The following MAST3 variants were observed in gnomAD, a reference collection of about 807,000 sequenced individuals.
MAST3 encodes the protein microtubule associated serine/threonine kinase 3, also known as microtubule-associated serine/threonine-protein kinase 3.
Under a neutral mutation model 127.0 loss-of-function variants are expected in MAST3, and 43 were observed. The ratio of observed to expected loss-of-function variants is 0.34; its 90% CI spans 0.27 to 0.44. MAST3 has a LOEUF of 0.44. MAST3 is among the 20% of genes least tolerant of loss of function. The probability of loss-of-function intolerance (pLI) is 1.00; values close to 1 mark genes in which losing one functional copy is unlikely to be tolerated. For synonymous variants in MAST3, 785 were observed against 809.2 expected, an observed-to-expected ratio of 0.97 and a Z score of 0.51; for missense variants, 1,390 against 1,919.1, an observed-to-expected ratio of 0.72 and a Z score of 5.15.
intron 18 of MAST3, among the ~76,000 whole-genome samples, chr19:18,136,994 G>A (rs1379214118): frequency 6.6e-6 from 1 of 151,990 alleles, no homozygotes; most frequent in African/African-American, 2.4e-5. Flanking sequence ...GCTAATTTTT[G>A]TGTTTTTAGA....
chr19:18,100,380 C>G (rs2037492547), intron 1 of MAST3, among the ~76,000 whole-genome samples: 1 of 151,926 alleles, frequency 6.6e-6, no homozygotes, highest in African/African-American at 2.4e-5. Flanking sequence ...CCCACCTCGG[C>G]CTCCCAAAGT....
At position 18,149,777 on chromosome 19, in the gene MAST3, A is replaced by G. The variant is rs952492251; in HGVS notation, c.*51A>G. 168 of 1,601,562 alleles carry G rather than the reference A, an allele frequency of 1.0e-4. No homozygotes were observed. In the Admixed American group the frequency reaches 2.5e-3, roughly 24 times the overall value. ...TCAAAGTTACGCGTTTTCTTGTGCA[A>G]TGTTTTTTCCGTAAAGTCATGCCTG... On this transcript the variant is annotated 3_prime_UTR_variant, in exon 28 of 28. Transcript: ENST00000687212. The surrounding 1 kb of genome is among the most constrained non-coding windows in gnomAD (Gnocchi z 5.9).
Position 18,110,101 on chromosome 19 carries a change from G to T in MAST3, c.72-551G>T. 3.0e-6 allele frequency: 3 copies of T among 985,326 alleles called. No homozygotes were observed. The highest frequency in any genetic ancestry group is 3.6e-6 in the Non-Finnish European group (3 of 829,904). 61.0% of individuals were successfully genotyped at this position (985,326 alleles called of 1,614,324 possible). A position where few individuals can be genotyped will look rare whatever the true frequency, so the allele number is the denominator to read the frequency against. ...CTGCGCGACCCTCGCTGCCGGGCCG[G>T]GCCTGCGCGCAGGTGCGGAGCTGCG... On this transcript the variant is annotated intron_variant, in intron 2 of 27. Coordinates refer to ENST00000687212, the MANE Select transcript of MAST3 (RefSeq NM_001393504.1). The surrounding 1 kb of genome is among the most constrained non-coding windows in gnomAD (Gnocchi z 4.3).
chr19:18,122,501 AAG>A (rs1375006467), intron 5 of MAST3, among the ~76,000 whole-genome samples, 170 bp from the exon 6 acceptor site: 1 of 152,154 alleles, frequency 6.6e-6, no homozygotes, highest in East Asian at 1.9e-4. Context: ...GAGGTACCTA[AAG>A]AGAGAGAGCA....
rs150712345 is a variant in MAST3 at position 18,121,538 on chromosome 19, G to T, written c.162-147G>T. On this transcript the variant is annotated intron_variant, in intron 3 of 27. Coordinates refer to ENST00000687212, the MANE Select transcript of MAST3 (RefSeq NM_001393504.1). ...TGAAGACCTGGCTAAGGGCCATGGG[G>T]GAACCCAGCTGGGGGCAGAGTGGGA... 3.9e-3 allele frequency: 2,662 copies of T among 690,404 alleles called. 80 individuals are homozygous for T. In the Admixed American group the frequency reaches 0.052, roughly 13 times the overall value. 42.8% of individuals were successfully genotyped at this position (690,404 alleles called of 1,614,324 possible). A position where few individuals can be genotyped will look rare whatever the true frequency, so the allele number is the denominator to read the frequency against.
intron 18 of MAST3, among the ~76,000 whole-genome samples, chr19:18,136,305 G>A (rs2041887042): frequency 6.6e-6 from 1 of 152,226 alleles, no homozygotes; most frequent in Non-Finnish European, 1.5e-5. Flanking sequence ...GAGCAGAAGT[G>A]GGAGAAGCCC....
At chr19:18,101,105 C>T (rs998837451) in intron 1 of MAST3, among the ~76,000 whole-genome samples, 1 of 152,196 alleles carries the variant, frequency 6.6e-6, no homozygotes, top group Non-Finnish European at 1.5e-5. Flanking sequence ...GTAACGTGAG[C>T]TGTTATTACT....
chr19:18,142,609 C>T (rs1483508857), intron 21 of MAST3, among the ~76,000 whole-genome samples: 1 of 151,508 alleles, frequency 6.6e-6, no homozygotes, highest in Non-Finnish European at 1.5e-5. Flanking sequence ...CTCAACCTCC[C>T]AAAGTGCTAG....
In MAST3 at chr19:18,144,886, A is replaced by G. The variant is rs906519824; in HGVS notation, c.2813-117A>G. 3 of 862,054 alleles carry G rather than the reference A, an allele frequency of 3.5e-6. No individual in the cohort carries two copies. The African/African-American group carries it at 5.0e-5, about 14-fold the overall frequency. 53.4% of individuals were successfully genotyped at this position (862,054 alleles called of 1,614,324 possible). The stretch of plus-strand genomic sequence containing the variant: ...CGTGCAAAGGCCTGGTGGGGTGACC[A>G]TGCTTGGGACATTGAAGCAACAGCA... On this transcript the variant is annotated intron_variant, in intron 23 of 27. Coordinates refer to ENST00000687212, the MANE Select transcript of MAST3 (RefSeq NM_001393504.1). This position sits in a 1 kb window ranked among gnomAD's most constrained non-coding sequence, Gnocchi z 4.0.
At chr19:18,132,077 G>A in intron 15 of MAST3, 30 bp downstream of exon 15, 2 of 1,612,236 alleles carry the variant, frequency 1.2e-6, no homozygotes, top group Non-Finnish European at 1.7e-6. Context: ...GCGGGGCCTC[G>A]CGGAGGGCGG....
chr19:18,149,485 G>A lies in MAST3; in HGVS notation c.3803G>A (p.Gly1268Glu). 1 of 1,545,066 alleles carries A rather than the reference G, an allele frequency of 6.5e-7. No individual in the cohort carries two copies. The highest frequency in any genetic ancestry group is 1.4e-5 in the African/African-American group (1 of 73,064). Residue 1268 changes from glycine to glutamate, a missense_variant, in exon 28 of 28, where the codon GGG becomes GAG. Gly to Glu is a moderately conservative substitution (Grantham distance 98, BLOSUM62 -2). Around this residue, in one of 5 missense-constraint regions of MAST3, gnomAD observed 816 missense variants for 934.1 expected, o/e 0.87. Transcript: ENST00000687212. This position sits in a 1 kb window ranked among gnomAD's most constrained non-coding sequence, Gnocchi z 5.9. ...CAGTCAGCTGACAAGCTGGGCACAGGGGAGCGGCTGGATGGGGAGGCGGGG... is the reference window on the plus strand; with the variant it reads ...CAGTCAGCTGACAAGCTGGGCACAGAGGAGCGGCTGGATGGGGAGGCGGGG... ...RGQSADKLGT[G>E]ERLDGEAGRR...
intron 7 of MAST3, 95 bp from the exon 8 acceptor site, chr19:18,123,485 G>T: frequency 6.8e-7 from 1 of 1,475,620 alleles, no homozygotes. Flanking sequence ...CCTAGCCTCT[G>T]ATTCTTGTCC....
chr19:18,124,933 C>CT (rs1031616873), intron 11 of MAST3, among the ~76,000 whole-genome samples, 159 bp downstream of exon 11: 1 of 135,860 alleles, frequency 7.4e-6, no homozygotes, highest in African/African-American at 2.8e-5. Context: ...TGGTGGAAAC[C>CT]CCCCCCCTAC....
rs926649101 is a variant in MAST3 at position 18,110,631 on chromosome 19, C to T, written c.72-21C>T. 2.0e-6 allele frequency: 2 copies of T among 979,328 alleles called. No individual in the cohort carries two copies. The highest frequency in any genetic ancestry group is 4.7e-5 in the South Asian group (1 of 21,164). The allele number at this position is 979,328 out of a possible 1,614,324, so 60.7% of individuals were successfully genotyped here. On this transcript the variant is annotated intron_variant, in intron 2 of 27. Coordinates refer to ENST00000687212, the MANE Select transcript of MAST3 (RefSeq NM_001393504.1). The surrounding 1 kb of genome is among the most constrained non-coding windows in gnomAD (Gnocchi z 4.3). Reference sequence around the variant, plus strand: ...AAGGGGCGGCCGCCAGGTTCACCGTCCCCGGCCTCTTTCTTTGCAGTCTGT... The same window carrying T: ...AAGGGGCGGCCGCCAGGTTCACCGTTCCCGGCCTCTTTCTTTGCAGTCTGT...
At chr19:18,134,472 T>C in intron 15 of MAST3, 107 bp from the exon 16 acceptor site, 2 of 1,418,530 alleles carry the variant, frequency 1.4e-6, no homozygotes, top group East Asian at 5.0e-5. Context: ...GCCCAGGAGT[T>C]GGAGGCAGAG....
intron 3 of MAST3, among the ~76,000 whole-genome samples, chr19:18,115,239 C>T (rs542133856): frequency 1.3e-5 from 2 of 152,134 alleles, no homozygotes; most frequent in African/African-American, 4.8e-5. Context: ...GGCAGCAGGC[C>T]CTCTGGATTG....
Position 18,123,993 on chromosome 19 carries a change from G to T in MAST3, c.688G>T (p.Gly230Cys). 1 of 1,592,634 alleles carries T rather than the reference G, an allele frequency of 6.3e-7. No individual in the cohort carries two copies. The highest frequency in any genetic ancestry group is 8.5e-7 in the Non-Finnish European group (1 of 1,171,046). ...LQEFLTAYAP[G>C]ARLALADGVL... ...GGAGTTCCTGACGGCCTACGCGCCC[G>T]GCGCCCGGCTGGCGCTGGCTGATGG... is the stretch of plus-strand genomic sequence containing the variant. Residue 230 changes from glycine to cysteine, a missense_variant, in exon 9 of 28, where the codon GGC becomes TGC. Gly to Cys is a radical substitution (Grantham distance 159). This residue lies in a region of MAST3 where 277 missense variants were observed against 384.8 expected (regional missense o/e 0.72). Coordinates refer to ENST00000687212, the MANE Select transcript of MAST3 (RefSeq NM_001393504.1).
rs571037026 is a variant in MAST3 at position 18,139,006 on chromosome 19, C to T, written c.2096-9C>T. On this transcript the variant is annotated splice_polypyrimidine_tract_variant and intron_variant, in intron 19 of 27. Coordinates refer to ENST00000687212, the MANE Select transcript of MAST3 (RefSeq NM_001393504.1). ...TCAGGCGTGCTGCATGTGCCTCTCCCTCCCACAGCACGTTCGGAACGTTAC... is the reference window on the plus strand; with the variant it reads ...TCAGGCGTGCTGCATGTGCCTCTCCTTCCCACAGCACGTTCGGAACGTTAC... 1.1e-5 allele frequency: 17 copies of T among 1,571,476 alleles called. No homozygotes were observed. In the East Asian group the frequency reaches 2.3e-4, roughly 22 times the overall value.
chr19:18,137,215 G>A, intron 18 of MAST3, 24 bp from the exon 19 acceptor site: 1 of 1,597,814 alleles, frequency 6.3e-7, no homozygotes, highest in Non-Finnish European at 8.5e-7. Flanking sequence ...AGGACCTGCA[G>A]GGCTCAGCGG....
Sources: gnomAD v4.1 joint callset for allele counts (sites outside exome capture counted in the v4.1 genomes callset) on GRCh38, gnomAD v4.1.1 for gene constraint, gnomAD v4.1.1 regional missense constraint, Gnocchi (gnomAD v3.1) non-coding constraint, MANE v1.5 for transcripts, NCBI Gene and HGNC (gene_info 2026-07-23, HGNC 2026-07-21) for gene names.